The following PTPRZ1 variants were observed in gnomAD, a reference collection of about 807,000 sequenced individuals.
PTPRZ1 encodes the protein protein tyrosine phosphatase receptor type Z1, also known as receptor-type tyrosine-protein phosphatase zeta.
A neutral mutation model predicts 214.1 loss-of-function variants in PTPRZ1; 82 were observed. The observed-to-expected ratio is 0.38, with a 90% confidence interval of 0.32 to 0.46. PTPRZ1 has a LOEUF of 0.46. Among genes scored for constraint, PTPRZ1 ranks in the 20% least tolerant of loss-of-function variants. The pLI, the probability that PTPRZ1 is intolerant of heterozygous loss-of-function variation, is 1.00. For missense variants in PTPRZ1, 2,603 were observed against 2,748.7 expected (o/e 0.95, Z 1.19); for synonymous variants, 945 against 987.9 (o/e 0.96, Z 0.81).
At chr7:121,983,573 T>G (rs1797679678) in intron 6 of PTPRZ1, 92 bp from the exon 7 acceptor site, 2 of 1,213,252 alleles carry the variant, frequency 1.6e-6, no homozygotes, top group African/African-American at 3.0e-5. Flanking sequence ...ATTAAATACA[T>G]AACAAAGCAT....
chr7:121,955,385 G>A (rs1011187815), intron 2 of PTPRZ1, among the ~76,000 whole-genome samples: 1 of 152,176 alleles, frequency 6.6e-6, no homozygotes, highest in Non-Finnish European at 1.5e-5. Context: ...TCTGCAAGAA[G>A]AGAGATTTTT....
chr7:122,028,464 A>T, intron 13 of PTPRZ1, 88 bp from the exon 14 acceptor site: 1 of 957,766 alleles, frequency 1.0e-6, no homozygotes, highest in East Asian at 2.5e-5. Context: ...TTAATTCTGG[A>T]GATTTCTATC....
At chr7:121,912,988 A>G (rs1795321637) in intron 1 of PTPRZ1, among the ~76,000 whole-genome samples, 1 of 152,178 alleles carries the variant, frequency 6.6e-6, no homozygotes. Context: ...TGTAATGAAT[A>G]TTTACAGAGC....
At chr7:122,010,132 G>A (rs1424418286) in intron 11 of PTPRZ1, among the ~76,000 whole-genome samples, 1 of 152,030 alleles carries the variant, frequency 6.6e-6, no homozygotes, top group Non-Finnish European at 1.5e-5. Flanking sequence ...CATAAATTAG[G>A]TGTTTTCATT....
Position 121,987,271 on chromosome 7 carries a change from C to T in PTPRZ1, c.928+3154C>T, listed in dbSNP as rs182758951. 4.7e-4 allele frequency among the ~76,000 whole-genome samples: 71 copies of T among 152,242 alleles called. No homozygotes were observed. The East Asian group carries it at 0.011, about 23-fold the overall frequency. On this transcript the variant is annotated intron_variant, in intron 8 of 29. Transcript: ENST00000393386. The stretch of plus-strand genomic sequence containing the variant: ...CTCACAGAGTCTCAGCTGCTACCCT[C>T]ATCCCACCCAAGTCTTCACGTCTTC...
chr7:122,046,374 C>T (rs1009271214), intron 23 of PTPRZ1, among the ~76,000 whole-genome samples: 2 of 152,026 alleles, frequency 1.3e-5, no homozygotes. Context: ...TGCCACTGCA[C>T]TCCAGTCTGG....
chr7:122,029,160 A>G (rs1234588765), intron 14 of PTPRZ1, among the ~76,000 whole-genome samples: 1 of 151,982 alleles, frequency 6.6e-6, no homozygotes, highest in East Asian at 1.9e-4. Flanking sequence ...ATAGCAGGAA[A>G]AGCCATGAAC....
At chr7:121,913,856 G>T (rs1008351818) in intron 1 of PTPRZ1, among the ~76,000 whole-genome samples, 1 of 152,012 alleles carries the variant, frequency 6.6e-6, no homozygotes, top group African/African-American at 2.4e-5. Flanking sequence ...ATTAAGTAAA[G>T]AATTCAGAAA....
chr7:121,890,878 A>G (rs1440895025), intron 1 of PTPRZ1, among the ~76,000 whole-genome samples: 1 of 151,328 alleles, frequency 6.6e-6, no homozygotes, highest in Non-Finnish European at 1.5e-5. Flanking sequence ...GAATTTATCT[A>G]TGTTGTCTGG....
intron 1 of PTPRZ1, among the ~76,000 whole-genome samples, chr7:121,912,854 A>G (rs1221650328): frequency 6.6e-6 from 1 of 152,180 alleles, no homozygotes; most frequent in East Asian, 1.9e-4. Context: ...GCTCCTGATC[A>G]TAAAAGGAAG....
chr7:121,983,273 T>C (rs184482491), intron 6 of PTPRZ1, among the ~76,000 whole-genome samples: 1 of 152,340 alleles, frequency 6.6e-6, no homozygotes, highest in Non-Finnish European at 1.5e-5. Flanking sequence ...CAATAAGTCA[T>C]TCTTAAATAT....
intron 11 of PTPRZ1, among the ~76,000 whole-genome samples, chr7:122,008,281 G>A (rs776806433): frequency 8.5e-5 from 13 of 152,200 alleles, no homozygotes; most frequent in Non-Finnish European, 1.6e-4. Context: ...GTGAAGGAGA[G>A]ACGAGAAGTA....
chr7:122,009,114 C>G (rs933218972), intron 11 of PTPRZ1, among the ~76,000 whole-genome samples: 7 of 152,018 alleles, frequency 4.6e-5, no homozygotes, highest in Non-Finnish European at 1.0e-4. Flanking sequence ...CAATATAATT[C>G]AGATCAAGTG....
intron 2 of PTPRZ1, among the ~76,000 whole-genome samples, chr7:121,943,868 G>T (rs1481643425): frequency 1.3e-5 from 2 of 152,304 alleles, no homozygotes; most frequent in African/African-American, 4.8e-5. Flanking sequence ...CTCAGCTTAT[G>T]TTATCTTAAT....
chr7:122,043,392 G>A (rs1292994676), intron 22 of PTPRZ1, among the ~76,000 whole-genome samples: 1 of 151,962 alleles, frequency 6.6e-6, no homozygotes, highest in Non-Finnish European at 1.5e-5. Context: ...TATACATAGT[G>A]GATGAATCAA....
In PTPRZ1 at chr7:122,032,239, T is replaced by C. The variant is rs146425836; in HGVS notation, c.5166+680T>C. Among the ~76,000 whole-genome samples the C allele has an allele frequency of 5.4e-4, 82 of 152,288 alleles. No individual in the cohort carries two copies. In the East Asian group the frequency reaches 0.011, roughly 20 times the overall value. ...AACCACAAAAAATAAAAGCTACCCTTTGTGAACACCTTCTTACATGTCAGT... is the reference window on the plus strand; with the variant it reads ...AACCACAAAAAATAAAAGCTACCCTCTGTGAACACCTTCTTACATGTCAGT... On this transcript the variant is annotated intron_variant, in intron 15 of 29. Transcript: ENST00000393386.
At chr7:121,951,944 C>T (rs1796552010) in intron 2 of PTPRZ1, among the ~76,000 whole-genome samples, 2 of 144,512 alleles carry the variant, frequency 1.4e-5, no homozygotes, top group Non-Finnish European at 3.0e-5. Context: ...TAAATCCATG[C>T]GAGTGTATTT....
At chr7:121,953,799 G>T (rs1258367608) in intron 2 of PTPRZ1, among the ~76,000 whole-genome samples, 2 of 144,402 alleles carry the variant, frequency 1.4e-5, no homozygotes, top group African/African-American at 5.1e-5. Flanking sequence ...AAAGAAAACG[G>T]TGATTCGGTG....
At chr7:122,051,668 C>T in intron 24 of PTPRZ1, 147 bp downstream of exon 24, 1 of 831,212 alleles carries the variant, frequency 1.2e-6, no homozygotes, top group Non-Finnish European at 1.9e-6. Context: ...TTCCAAAGGA[C>T]TCATAAATCC....
Sources: gnomAD v4.1 joint callset for allele counts (sites outside exome capture counted in the v4.1 genomes callset) on GRCh38, gnomAD v4.1.1 for gene constraint, MANE v1.5 for transcripts, NCBI Gene and HGNC (gene_info 2026-07-23, HGNC 2026-07-21) for gene names.